Variants in PLXNB3 observed in about 807,000 individuals in gnomAD.
The protein encoded by PLXNB3 is plexin B3.
A neutral mutation model predicts 125.7 loss-of-function variants in PLXNB3; 80 were observed. The observed-to-expected ratio is 0.64, with a 90% CI of 0.53 to 0.77. PLXNB3 has a LOEUF of 0.77. Among genes scored for constraint, PLXNB3 ranks in the 30% least tolerant of loss-of-function variants. The probability of loss-of-function intolerance (pLI) is 0.00; values close to 1 mark genes in which losing one functional copy is unlikely to be tolerated. For missense variants in PLXNB3, 1,836 were observed against 1,729.3 expected (o/e 1.06, Z -1.09); for synonymous variants, 954 against 783.3 (o/e 1.22, Z -3.64).
chrX:153,767,842 C>T lies in PLXNB3; in HGVS notation c.1015C>T (p.Arg339Trp), dbSNP rs782506512. 24 of 1,142,296 alleles carry T rather than the reference C, an allele frequency of 2.1e-5. No homozygotes were observed. Among genetic ancestry groups the T allele is most frequent in the African/African-American group, 1.3e-4 (7 of 55,811 alleles). The allele number at this position is 1,142,296 out of a possible 1,213,427, so 94.1% of individuals were successfully genotyped here. ...GAGACTCTGCTACACGGCGGGCGGCCGGGGCCCCAGCGGCGCAGAGGAAGC... is the reference window on the plus strand; with the variant it reads ...GAGACTCTGCTACACGGCGGGCGGCTGGGGCCCCAGCGGCGCAGAGGAAGC... Reference protein sequence around the residue: ...ARRLCYTAGGRGPSGAEEATV... With the variant: ...ARRLCYTAGGWGPSGAEEATV... The change falls in exon 3 of 36, where the codon CGG becomes TGG. Residue 339 changes from arginine (R) to tryptophan (W), a missense_variant. Transcript: ENST00000361971.
Position 153,769,232 on chromosome X carries a change from C to T in PLXNB3, c.1466C>T (p.Pro489Leu), listed in dbSNP as rs201696853. The T allele has an allele frequency of 1.9e-5, 22 of 1,171,962 alleles. No individual in the cohort carries two copies. The highest frequency in any genetic ancestry group is 3.5e-5 in the African/African-American group (2 of 56,523). The part of the protein sequence containing the change: ...DCASCLQAQD[P>L]LCGWCVLQGR... ...GCCAGCTGCCTCCAGGCCCAGGACC[C>T]GCTGTGTGGCTGGTGTGTCCTCCAG... Residue 489 changes from proline (P) to leucine (L), a missense_variant, in exon 6 of 36, where the codon CCG becomes CTG. By Grantham distance (98) the Pro-to-Leu change is moderately conservative (BLOSUM62 -3). Transcript: ENST00000361971.
At chrX:153,768,061 A>G in intron 3 of PLXNB3, 148 bp downstream of exon 3, 1 of 775,558 alleles carries the variant, frequency 1.3e-6, no homozygotes, top group Non-Finnish European at 1.8e-6. Flanking sequence ...CTCTCCACCC[A>G]TTTCTTTCCA....
chrX:153,768,404 G>A lies in PLXNB3; in HGVS notation c.1242G>A (p.Gly414=). 4.1e-6 allele frequency: 5 copies of A among 1,205,832 alleles called. No homozygotes were observed. Among genetic ancestry groups the A allele is most frequent in the Middle Eastern group, 2.4e-4 (1 of 4,192 alleles). ...ATGGGCACATGATAGCCTTCCTGGGGGACACCCAGGGCCAGCTGTACAAGG... is the reference window on the plus strand; with the variant it reads ...ATGGGCACATGATAGCCTTCCTGGGAGACACCCAGGGCCAGCTGTACAAGG... ...QADGHMIAFL[G]DTQGQLYKVF... Residue 414 remains glycine (G), a synonymous_variant, in exon 4 of 36, where the codon GGG becomes GGA. Transcript: ENST00000361971.
chrX:153,774,977 T>C lies in PLXNB3; in HGVS notation c.4029T>C (p.Pro1343=). The change falls in exon 24 of 36, where the codon CCT becomes CCC. Residue 1343 remains proline, a synonymous_variant. Coordinates refer to ENST00000361971, the MANE Select transcript of PLXNB3 (RefSeq NM_005393.3). ...CCTACGCCGAGCGCGCCTTCTTCCCTGGCCATGGCGGTTGCCCGCTGCAGC... is the reference window on the plus strand; with the variant it reads ...CCTACGCCGAGCGCGCCTTCTTCCCCGGCCATGGCGGTTGCCCGCTGCAGC... ...YRTYAERAFF[P]GHGGCPLQPK... 8.3e-7 allele frequency: 1 copy of C among 1,197,789 alleles called. No homozygotes were observed. Among genetic ancestry groups the C allele is most frequent in the Non-Finnish European group, 1.1e-6 (1 of 887,808 alleles).
At position 153,777,297 on chromosome X, in the gene PLXNB3, C is replaced by T. The variant is rs1391474144; in HGVS notation, c.5017C>T (p.Arg1673Trp). ...ATEEPEGAKVRCSSLREREPA... is the reference protein window; with the variant it reads ...ATEEPEGAKVWCSSLREREPA... Reference sequence around the variant, plus strand: ...CGAGGAGCCAGAAGGGGCCAAGGTGCGGTGCAGCAGCCTGCGGGAGCGCGA... The same window carrying T: ...CGAGGAGCCAGAAGGGGCCAAGGTGTGGTGCAGCAGCCTGCGGGAGCGCGA... Residue 1673 changes from arginine (R) to tryptophan (W), a missense_variant, in exon 30 of 36, where the codon CGG becomes TGG. By Grantham distance (101) the Arg-to-Trp change is moderately radical. Transcript: ENST00000361971. 22 of 1,203,658 alleles carry T rather than the reference C, an allele frequency of 1.8e-5. No homozygotes were observed. The highest frequency in any genetic ancestry group is 2.5e-5 in the Non-Finnish European group (22 of 891,269).
rs368739815 is a variant in PLXNB3 at position 153,771,706 on chromosome X, C to T, written c.2517+51C>T. The stretch of plus-strand genomic sequence containing the variant: ...GCCCAGTGGCCCACTTCTCCTGCCC[C>T]GCACTGTCCTGTCCTCCGTGATCAG... On this transcript the variant is annotated intron_variant, in intron 14 of 35. Coordinates refer to ENST00000361971, the MANE Select transcript of PLXNB3 (RefSeq NM_005393.3). 125 of 1,133,515 alleles carry T rather than the reference C, an allele frequency of 1.1e-4. No homozygotes were observed. The African/African-American group carries it at 1.2e-3, about 11-fold the overall frequency. The allele number at this position is 1,133,515 out of a possible 1,213,427, so 93.4% of individuals were successfully genotyped here.
At chrX:153,775,529 A>G in intron 25 of PLXNB3, 65 bp from the exon 26 acceptor site, 1 of 1,163,127 alleles carries the variant, frequency 8.6e-7, no homozygotes, top group Non-Finnish European at 1.2e-6. Flanking sequence ...GGGGGGAAGG[A>G]AAGTGAGATG....
chrX:153,772,795 G>A (rs782741748), intron 16 of PLXNB3, 91 bp from the exon 17 acceptor site: 42 of 1,038,906 alleles, frequency 4.0e-5, no homozygotes, highest in South Asian at 1.5e-4. Context: ...GATGACCTGC[G>A]CTTCAGAACC....
At chrX:153,765,915 T>C (rs2091852256) in intron 2 of PLXNB3, 1 of 752,297 alleles carries the variant, frequency 1.3e-6, no homozygotes, top group Admixed American at 8.6e-5. Context: ...CCTCGGGGGC[T>C]CACCCCGGGG....
chrX:153,770,030 C>T, intron 7 of PLXNB3, 62 bp from the exon 8 acceptor site: 1 of 1,194,045 alleles, frequency 8.4e-7, no homozygotes, highest in East Asian at 3.0e-5. Flanking sequence ...CTTCCTCTCC[C>T]ATGGCCTCTG....
Position 153,773,670 on chromosome X carries a change from C to T in PLXNB3, c.3236C>T (p.Ala1079Val), listed in dbSNP as rs781964742. Reference protein sequence around the residue: ...QPRRSCGAPAADPQACIQLGG... With the variant: ...QPRRSCGAPAVDPQACIQLGG... ...AGGAGGAGCTGTGGAGCCCCTGCTG[C>T]GGACCCCCAGGCTTGTATCCAGCTC... is the stretch of plus-strand genomic sequence containing the variant. Residue 1079 changes from alanine (A) to valine (V), a missense_variant, in exon 19 of 36, where the codon GCG becomes GTG. Physicochemically the swap from Ala to Val is moderately conservative, Grantham distance 64. Coordinates refer to ENST00000361971, the MANE Select transcript of PLXNB3 (RefSeq NM_005393.3). 33 of 1,174,069 alleles carry T rather than the reference C, an allele frequency of 2.8e-5. No individual in the cohort carries two copies. Among genetic ancestry groups the T allele is most frequent in the South Asian group, 3.9e-5 (2 of 51,880 alleles).
chrX:153,771,168 G>A, intron 12 of PLXNB3, 87 bp downstream of exon 12: 3 of 939,134 alleles, frequency 3.2e-6, no homozygotes, highest in Admixed American at 2.3e-5. Flanking sequence ...CCTGCTTGGG[G>A]CCCATAACCT....
At chrX:153,773,477 T>C in intron 18 of PLXNB3, 41 bp from the exon 19 acceptor site, 1 of 1,181,334 alleles carries the variant, frequency 8.5e-7, no homozygotes, top group East Asian at 3.0e-5. Context: ...TGGGCTATGT[T>C]GCCCACCGCC....
At position 153,777,695 on chromosome X, in the gene PLXNB3, T is replaced by C. The variant is rs1557064976; in HGVS notation, c.5261+7T>C. The C allele has an allele frequency of 5.0e-6, 6 of 1,208,326 alleles. No individual in the cohort carries two copies. Among genetic ancestry groups the C allele is most frequent in the South Asian group, 1.8e-5 (1 of 56,757 alleles). ...ACATCTGGAAGACCAACAGGTGCCT[T>C]TCCTGCTGCCCCACCCCTGCTGTGC... On this transcript the variant is annotated splice_region_variant and intron_variant, in intron 31 of 35. Coordinates refer to ENST00000361971, the MANE Select transcript of PLXNB3 (RefSeq NM_005393.3).
At chrX:153,777,456 G>A in intron 30 of PLXNB3, 72 bp from the exon 31 acceptor site, 1 of 1,183,829 alleles carries the variant, frequency 8.4e-7, no homozygotes, top group Non-Finnish European at 1.1e-6. Flanking sequence ...TGTGGGAGGG[G>A]CAGGGGCAGC....
Position 153,776,106 on chromosome X carries a change from C to T in PLXNB3, c.4621C>T (p.Arg1541Trp), listed in dbSNP as rs148020794. 17 of 1,200,064 alleles carry T rather than the reference C, an allele frequency of 1.4e-5. No individual in the cohort carries two copies. Among genetic ancestry groups the T allele is most frequent in the East Asian group, 3.0e-5 (1 of 33,018 alleles). Residue 1541 changes from arginine to tryptophan, a missense_variant, in exon 27 of 36, where the codon CGG (arginine) becomes TGG (tryptophan). Transcript: ENST00000361971. ...CAGCGAGATGCAGCGCGTGCCAGCC[C>T]GGGTGCTCGACACGGACACCATCAC... ...GSSEMQRVPA[R>W]VLDTDTITQV...
Position 153,778,234 on chromosome X carries a change from C to T in PLXNB3, c.5410-27C>T, listed in dbSNP as rs782706787. ...GGCACCTTCACCTCCGAGCTCATGCCTAGCGCCTCCCCTCCCTCCGGAGCA... is the reference window on the plus strand; with the variant it reads ...GGCACCTTCACCTCCGAGCTCATGCTTAGCGCCTCCCCTCCCTCCGGAGCA... On this transcript the variant is annotated intron_variant, in intron 32 of 35. Coordinates refer to ENST00000361971, the MANE Select transcript of PLXNB3 (RefSeq NM_005393.3). 6 of 1,200,692 alleles carry T rather than the reference C, an allele frequency of 5.0e-6. No individual in the cohort carries two copies. In the Admixed American group the frequency reaches 1.3e-4, roughly 26 times the overall value.
rs782787744 is a variant in PLXNB3, at chrX:153,767,845, G to A, written c.1018G>A (p.Gly340Ser). The stretch of plus-strand genomic sequence containing the variant: ...ACTCTGCTACACGGCGGGCGGCCGG[G>A]GCCCCAGCGGCGCAGAGGAAGCCAC... ...RRLCYTAGGR[G>S]PSGAEEATVE... The change falls in exon 3 of 36, where the codon GGC becomes AGC. Residue 340 changes from glycine (G) to serine (S), a missense_variant. Transcript: ENST00000361971. 4.4e-6 allele frequency: 5 copies of A among 1,138,309 alleles called. No homozygotes were observed. The East Asian group carries it at 1.6e-4, about 37-fold the overall frequency. 93.8% of individuals were successfully genotyped at this position (1,138,309 alleles called of 1,213,427 possible).
intron 35 of PLXNB3, 61 bp downstream of exon 35, chrX:153,778,735 C>A (rs890942387): frequency 8.8e-7 from 1 of 1,137,661 alleles, no homozygotes; most frequent in African/African-American, 1.8e-5. Context: ...TGGACCCTCC[C>A]GGGGGAGCAG....
Sources: allele counts gnomAD v4.1 joint callset, GRCh38; gene constraint gnomAD v4.1.1; transcripts MANE v1.5; gene names NCBI Gene and HGNC (gene_info 2026-07-23, HGNC 2026-07-21).